The following TAFA5 variants were observed in gnomAD, a reference collection of about 807,000 sequenced individuals.
TAFA5 encodes the protein TAFA chemokine like family member 5.
TAFA5 carries 6 observed loss-of-function variants against 15.3 expected under a neutral mutation model. The observed-to-expected ratio is 0.39, with a 90% CI of 0.21 to 0.77. The LOEUF (loss-of-function observed/expected upper bound fraction) is 0.77. Ranked by LOEUF, TAFA5 falls within the 30% of genes least tolerant of loss-of-function variation. TAFA5 has a pLI of 0.41. For synonymous variants in TAFA5, 103 were observed against 80.7 expected, an observed-to-expected ratio of 1.28 and a Z score of -1.48; for missense variants, 161 against 193.1, an observed-to-expected ratio of 0.83 and a Z score of 0.98.
chr22:48,613,910 A>C (rs1200102974), intron 1 of TAFA5, among the ~76,000 whole-genome samples: 1 of 152,206 alleles, frequency 6.6e-6, no homozygotes, highest in African/African-American at 2.4e-5. Context: ...TCCTGGGTGC[A>C]GTCTGGAGAT....
At chr22:48,637,395 T>C (rs1555250) in intron 1 of TAFA5, among the ~76,000 whole-genome samples, 130,968 of 152,238 alleles carry the variant, frequency 0.86, 56,838 homozygotes, top group East Asian at 1. Flanking sequence ...GATGTCTCAG[T>C]TCGAAAGCGG....
intron 3 of TAFA5, among the ~76,000 whole-genome samples, chr22:48,743,159 G>C (rs1485575808): frequency 6.6e-6 from 1 of 152,160 alleles, no homozygotes; most frequent in Non-Finnish European, 1.5e-5. Context: ...TGTCTGCTGG[G>C]CCGTGCTCCC....
chr22:48,630,898 CA>C (rs1926199941), intron 1 of TAFA5, among the ~76,000 whole-genome samples: 1 of 152,200 alleles, frequency 6.6e-6, no homozygotes, highest in Non-Finnish European at 1.5e-5. Flanking sequence ...CCCAGTGTCC[CA>C]GGGGCACCTG....
intron 2 of TAFA5, among the ~76,000 whole-genome samples, chr22:48,659,616 CCT>C (rs1056409461): frequency 1.8e-4 from 28 of 152,026 alleles, no homozygotes; most frequent in African/African-American, 6.5e-4. Context: ...TGCTTTTCTC[CCT>C]GTCATCACCC....
intron 1 of TAFA5, among the ~76,000 whole-genome samples, chr22:48,594,263 T>C (rs112968784): frequency 0.011 from 1,679 of 152,292 alleles, 32 homozygotes; most frequent in African/African-American, 0.038. Flanking sequence ...ATGCAGCAGA[T>C]CCTGGCAGGC....
At chr22:48,708,276 G>A (rs1929145655) in intron 3 of TAFA5, among the ~76,000 whole-genome samples, 2 of 152,084 alleles carry the variant, frequency 1.3e-5, no homozygotes, top group African/African-American at 4.8e-5. Flanking sequence ...GCCAGGTTCA[G>A]GTTCCGTCCA....
rs1927386359 is a variant in TAFA5, at chr22:48,660,182, G to A, written c.262+13436G>A. Reference sequence around the variant, plus strand: ...ATATTGCAAATCCTCTAAACTCATTGTCTTCGGACACGCTGTGCCCTCACT... The same window carrying A: ...ATATTGCAAATCCTCTAAACTCATTATCTTCGGACACGCTGTGCCCTCACT... On this transcript the variant is annotated intron_variant, in intron 2 of 3. Transcript: ENST00000402357. 2.0e-5 allele frequency among the ~76,000 whole-genome samples: 3 copies of A among 152,206 alleles called. No individual in the cohort carries two copies. The South Asian group carries it at 6.2e-4, about 32-fold the overall frequency.
At chr22:48,519,702 T>A (rs1367468402) in intron 1 of TAFA5, among the ~76,000 whole-genome samples, 4 of 152,106 alleles carry the variant, frequency 2.6e-5, no homozygotes, top group Non-Finnish European at 5.9e-5. Flanking sequence ...AGCCCTGGGC[T>A]CCTCACGGGC....
intron 1 of TAFA5, among the ~76,000 whole-genome samples, chr22:48,542,334 GT>G (rs1922435536): frequency 7.5e-6 from 1 of 133,116 alleles, no homozygotes; most frequent in South Asian, 2.6e-4. Context: ...GATGTGTGTG[GT>G]GTGTGTGTGG....
chr22:48,526,094 T>G (rs1921772719), intron 1 of TAFA5, among the ~76,000 whole-genome samples: 2 of 152,238 alleles, frequency 1.3e-5, no homozygotes, highest in African/African-American at 4.8e-5. Context: ...GGGGAGCCAG[T>G]GGCCTCACCT....
intron 1 of TAFA5, among the ~76,000 whole-genome samples, chr22:48,561,863 ACACATTCTG>A (rs1489506898): frequency 4.6e-5 from 7 of 152,200 alleles, no homozygotes; most frequent in Non-Finnish European, 8.8e-5. Context: ...CCGGGGCCAC[ACACATTCTG>A]CACAGTGACG....
intron 3 of TAFA5, among the ~76,000 whole-genome samples, chr22:48,745,925 G>C (rs1347750606): frequency 6.6e-6 from 1 of 152,212 alleles, no homozygotes; most frequent in Non-Finnish European, 1.5e-5. Context: ...GGTGAGCTGA[G>C]CTCCTGCGTG....
intron 1 of TAFA5, among the ~76,000 whole-genome samples, chr22:48,595,142 C>G (rs1226748440): frequency 6.6e-6 from 1 of 152,170 alleles, no homozygotes; most frequent in Non-Finnish European, 1.5e-5. Context: ...GTGCTCGTAC[C>G]CCTGAGTTTG....
At position 48,542,865 on chromosome 22, in the gene TAFA5, G is replaced by A. The variant is rs199832746; in HGVS notation, c.112+53161G>A. 8.4e-4 allele frequency among the ~76,000 whole-genome samples: 127 copies of A among 150,522 alleles called. 1 individual carries two copies. The East Asian group carries it at 0.02, about 24-fold the overall frequency. ...TGTGTGATGTGTTTGTGTAGAGTAT[G>A]TATGGTGTGTGTGATGTGTGTATTT... On this transcript the variant is annotated intron_variant, in intron 1 of 3. Coordinates refer to ENST00000402357, the MANE Select transcript of TAFA5 (RefSeq NM_001082967.3).
At chr22:48,633,050 G>A (rs530962110) in intron 1 of TAFA5, among the ~76,000 whole-genome samples, 2 of 152,274 alleles carry the variant, frequency 1.3e-5, no homozygotes, top group African/African-American at 4.8e-5. Context: ...GATGAGTGAG[G>A]GTGGGGCCAG....
intron 1 of TAFA5, among the ~76,000 whole-genome samples, chr22:48,574,512 C>T (rs925858289): frequency 6.6e-6 from 1 of 152,136 alleles, no homozygotes; most frequent in Non-Finnish European, 1.5e-5. Flanking sequence ...ATCTATCTGA[C>T]CTCCAAGAGC....
chr22:48,501,712 C>T (rs1920953031), intron 1 of TAFA5, among the ~76,000 whole-genome samples: 1 of 152,218 alleles, frequency 6.6e-6, no homozygotes, highest in Admixed American at 6.5e-5. Flanking sequence ...GTACCAGCAT[C>T]TCCTTTCCTG....
intron 2 of TAFA5, among the ~76,000 whole-genome samples, chr22:48,653,755 T>C (rs1076789): frequency 0.65 from 98,405 of 151,918 alleles, 32,640 homozygotes; most frequent in South Asian, 0.77. Flanking sequence ...GCTGAGAACA[T>C]GAAGTTCCTT....
chr22:48,711,797 C>G (rs375818685), intron 3 of TAFA5, among the ~76,000 whole-genome samples: 8 of 152,132 alleles, frequency 5.3e-5, no homozygotes, highest in African/African-American at 1.9e-4. Context: ...GGCAGCCACC[C>G]GCTCCCAGCC....
Sources: gnomAD v4.1 joint callset for allele counts (sites outside exome capture counted in the v4.1 genomes callset) on GRCh38, gnomAD v4.1.1 for gene constraint, MANE v1.5 for transcripts, NCBI Gene and HGNC (gene_info 2026-07-23, HGNC 2026-07-21) for gene names.